Variants in TMEM17 observed in about 807,000 individuals in gnomAD.
TMEM17 encodes the protein transmembrane protein 17.
In TMEM17, 15 loss-of-function variants were observed where a neutral mutation model predicts 19.1. The observed-to-expected ratio is 0.78, with a 90% CI of 0.52 to 1.21. The LOEUF (loss-of-function observed/expected upper bound fraction) is 1.21, where lower values mean the gene tolerates loss of function less well. Ranked by LOEUF, TMEM17 falls within the 50% of genes most tolerant of loss-of-function variation. The probability of loss-of-function intolerance (pLI) is 0.00; values close to 1 mark genes in which losing one functional copy is unlikely to be tolerated. For missense variants in TMEM17, 245 were observed against 242.3 expected (o/e 1.01, Z -0.07); for synonymous variants, 103 against 86.9 (o/e 1.19, Z -1.03).
chr2:62,466,556 G>A, the TMEM17 span, among the ~76,000 whole-genome samples: 1 of 152,184 alleles, frequency 6.6e-6, no homozygotes, highest in African/African-American at 2.4e-5. Flanking sequence ...TCACCATATG[G>A]GGGAGAGGGA....
At chr2:62,505,976 C>T (rs1443019624) in intron 1 of TMEM17, 54 bp downstream of exon 1, 2 of 1,513,510 alleles carry the variant, frequency 1.3e-6, no homozygotes, top group Admixed American at 1.9e-5. Context: ...GCTCCAAAAT[C>T]CACGCCAAGC....
chr2:62,455,005 G>A, the TMEM17 span, among the ~76,000 whole-genome samples: 6 of 152,182 alleles, frequency 3.9e-5, no homozygotes, highest in East Asian at 3.9e-4. Flanking sequence ...GTGCCCAGCC[G>A]AGACCCAGCT....
chr2:62,467,030 A>G, the TMEM17 span, among the ~76,000 whole-genome samples: 1 of 152,088 alleles, frequency 6.6e-6, no homozygotes, highest in African/African-American at 2.4e-5. Flanking sequence ...GCCCAGGTTA[A>G]TAGGTTCCAG....
the TMEM17 span, among the ~76,000 whole-genome samples, chr2:62,490,478 G>T: frequency 6.6e-6 from 1 of 152,006 alleles, no homozygotes; most frequent in Non-Finnish European, 1.5e-5. Context: ...TGCCAGGCTG[G>T]TCTCTAACTC....
At chr2:62,465,003 G>A in the TMEM17 span, among the ~76,000 whole-genome samples, 3 of 152,164 alleles carry the variant, frequency 2.0e-5, no homozygotes, top group Non-Finnish European at 4.4e-5. Context: ...GAATCTTGTA[G>A]CCTCCAGCTG....
chr2:62,471,666 G>A, the TMEM17 span, among the ~76,000 whole-genome samples: 1 of 152,360 alleles, frequency 6.6e-6, no homozygotes, highest in East Asian at 1.9e-4. Context: ...TGGGGAGGGG[G>A]AGGAGCTTGG....
At chr2:62,495,854 T>C (rs1679764167), downstream of TMEM17, among the ~76,000 whole-genome samples, 1 of 152,194 alleles carries the variant, frequency 6.6e-6, no homozygotes. Context: ...TCCATGCTTC[T>C]GAAAAAATTC....
At chr2:62,484,378 C>G in the TMEM17 span, among the ~76,000 whole-genome samples, 1 of 152,348 alleles carries the variant, frequency 6.6e-6, no homozygotes, top group Admixed American at 6.5e-5. Flanking sequence ...ATGCCACACT[C>G]TGATTGGCTG....
the TMEM17 span, among the ~76,000 whole-genome samples, chr2:62,474,268 G>A: frequency 2.0e-5 from 3 of 152,202 alleles, no homozygotes; most frequent in Non-Finnish European, 2.9e-5. Context: ...TGCTTTGATA[G>A]GAAAATTGTG....
At chr2:62,455,303 C>G in the TMEM17 span, among the ~76,000 whole-genome samples, 2 of 152,186 alleles carry the variant, frequency 1.3e-5, no homozygotes, top group African/African-American at 2.4e-5. Context: ...GTAATCTGTT[C>G]CTTTATATTG....
At chr2:62,465,356 G>T in the TMEM17 span, among the ~76,000 whole-genome samples, 1 of 152,152 alleles carries the variant, frequency 6.6e-6, no homozygotes, top group Admixed American at 6.5e-5. Context: ...TTAATTTCCT[G>T]GTGTTGATAA....
At chr2:62,473,168 C>A in the TMEM17 span, among the ~76,000 whole-genome samples, 1 of 152,204 alleles carries the variant, frequency 6.6e-6, no homozygotes, top group Non-Finnish European at 1.5e-5. Context: ...GCATCAGGCA[C>A]TGTTCTAATT....
At chr2:62,455,738 G>A in the TMEM17 span, among the ~76,000 whole-genome samples, 1 of 152,252 alleles carries the variant, frequency 6.6e-6, no homozygotes, top group East Asian at 1.9e-4. Flanking sequence ...CTGCACGCCA[G>A]CCTGGCCGAC....
At chr2:62,487,843 G>A in the TMEM17 span, among the ~76,000 whole-genome samples, 1 of 152,138 alleles carries the variant, frequency 6.6e-6, no homozygotes, top group Non-Finnish European at 1.5e-5. Flanking sequence ...ACAGGCTCAT[G>A]CCACCATGCC....
At chr2:62,497,296 T>G (rs976181181), downstream of TMEM17, among the ~76,000 whole-genome samples, 1 of 152,210 alleles carries the variant, frequency 6.6e-6, no homozygotes, top group Non-Finnish European at 1.5e-5. Context: ...ATTCTGATTG[T>G]GATACTCCAC....
chr2:62,453,896 G>A, the TMEM17 span, among the ~76,000 whole-genome samples: 1 of 152,222 alleles, frequency 6.6e-6, no homozygotes, highest in Non-Finnish European at 1.5e-5. Flanking sequence ...GCATCTCATG[G>A]AGGTAAGAGT....
chr2:62,468,790 T>C, the TMEM17 span, among the ~76,000 whole-genome samples: 2 of 152,224 alleles, frequency 1.3e-5, no homozygotes, highest in African/African-American at 2.4e-5. Flanking sequence ...GCCCATCAAG[T>C]GTGGCTGTCA....
chr2:62,503,182 A>G (rs1355929000), intron 1 of TMEM17, among the ~76,000 whole-genome samples: 3 of 152,226 alleles, frequency 2.0e-5, no homozygotes, highest in Admixed American at 2.0e-4. Context: ...ATAAAAATGA[A>G]TCTCCCACAG....
the TMEM17 span, among the ~76,000 whole-genome samples, chr2:62,489,757 G>A: frequency 6.6e-6 from 1 of 152,250 alleles, no homozygotes; most frequent in South Asian, 2.1e-4. Context: ...GAGTGCACTT[G>A]TGCCCCAATT....
Sources: allele counts gnomAD v4.1 joint callset (sites outside exome capture counted in the v4.1 genomes callset), GRCh38; gene constraint gnomAD v4.1.1; transcripts MANE v1.5; gene names NCBI Gene and HGNC (gene_info 2026-07-23, HGNC 2026-07-21).